Variants in ALKAL1 observed in about 807,000 individuals in gnomAD.
ALKAL1 encodes ALK and LTK ligand 1, also known as AUG-beta.
Under a neutral mutation model 13.5 loss-of-function variants are expected in ALKAL1, and 23 were observed. The observed-to-expected ratio is 1.70, with a 90% CI of 1.23 to 2.41. ALKAL1 has a LOEUF of 2.41. Ranked by LOEUF, ALKAL1 falls within the 30% of genes most tolerant of loss-of-function variation. The probability of loss-of-function intolerance (pLI) is 0.00; values close to 1 mark genes in which losing one functional copy is unlikely to be tolerated. For synonymous variants in ALKAL1, 85 were observed against 77.7 expected, an observed-to-expected ratio of 1.09 and a Z score of -0.49; for missense variants, 181 against 178.4, an observed-to-expected ratio of 1.01 and a Z score of -0.08.
At chr8:52,562,647 C>A (rs527487158) in intron 1 of ALKAL1, among the ~76,000 whole-genome samples, 133 of 152,278 alleles carry the variant, frequency 8.7e-4, no homozygotes, top group African/African-American at 3.0e-3. Context: ...AGGGAAGTTG[C>A]CTGGCCTACA....
rs577185547 is a variant in ALKAL1, at chr8:52,565,207, G to A, written c.50C>T (p.Ala17Val). ...GGCTCCGTGCGGGGACAAAGCCAGC[G>A]CCAGCAGGAAGAGTGCGGGCAAAGG... ...GAPLPALFLL[A>V]LALSPHGAHG... is the part of the protein sequence containing the mutation. The change falls in exon 1 of 5, where the codon GCG (alanine) becomes GTG (valine). Residue 17 changes from alanine (A) to valine (V), a missense_variant. Coordinates refer to ENST00000358543, the MANE Select transcript of ALKAL1 (RefSeq NM_207413.4). The A allele has an allele frequency of 1.8e-5, 24 of 1,341,208 alleles. No individual in the cohort carries two copies. The Admixed American group carries it at 5.1e-4, about 28-fold the overall frequency. The allele number at this position is 1,341,208 out of a possible 1,614,324, so 83.1% of individuals were successfully genotyped here.
At chr8:52,538,327 T>C in intron 4 of ALKAL1, 104 bp downstream of exon 4, 3 of 698,446 alleles carry the variant, frequency 4.3e-6, no homozygotes, top group South Asian at 1.8e-5. Flanking sequence ...CTGTACCCCA[T>C]AAATATGTAC....
chr8:52,549,239 T>C lies in ALKAL1; in HGVS notation c.191-6794A>G, dbSNP rs941528240. Among the ~76,000 whole-genome samples the C allele has an allele frequency of 2.8e-4, 43 of 152,124 alleles. 1 individual carries two copies. The highest frequency in any genetic ancestry group is 9.1e-4 in the African/African-American group (38 of 41,536). The stretch of plus-strand genomic sequence containing the variant: ...TAAAAACAAGACACTACTAATCTCA[T>C]TACTAATCAATACTAATAAATCTAA... On this transcript the variant is annotated intron_variant, in intron 1 of 4. Coordinates refer to ENST00000358543, the MANE Select transcript of ALKAL1 (RefSeq NM_207413.4).
chr8:52,565,009 G>A (rs1242436344), intron 1 of ALKAL1, 58 bp downstream of exon 1: 2 of 1,289,392 alleles, frequency 1.6e-6, no homozygotes, highest in African/African-American at 1.6e-5. Flanking sequence ...AGCTCCTAGG[G>A]GAATCCACGG....
chr8:52,557,862 G>A (rs1013329432), intron 1 of ALKAL1, among the ~76,000 whole-genome samples: 1 of 151,552 alleles, frequency 6.6e-6, no homozygotes, highest in South Asian at 2.1e-4. Flanking sequence ...GCATGTGCCT[G>A]TAGTCCCAGC....
Position 52,565,106 on chromosome 8 carries a change from C to A in ALKAL1, c.151G>T (p.Ala51Ser). The change falls in exon 1 of 5, where the codon GCC becomes TCC. Residue 51 changes from alanine (A) to serine (S), a missense_variant. By Grantham distance (99) the Ala-to-Ser change is moderately conservative. Coordinates refer to ENST00000358543, the MANE Select transcript of ALKAL1 (RefSeq NM_207413.4). ...CCGCTGGGAGTCCGGCCGGCCCCGG[C>A]CGCGGGGAGGAAAAGCAACGGCTTG... ...EPKPLLFLPA[A>S]GAGRTPSGSR... 7.1e-7 allele frequency: 1 copy of A among 1,414,988 alleles called. No homozygotes were observed. 87.7% of individuals were successfully genotyped at this position (1,414,988 alleles called of 1,614,324 possible). A position where few individuals can be genotyped will look rare whatever the true frequency, so the allele number is the denominator to read the frequency against.
chr8:52,538,846 G>T (rs1331289599), intron 3 of ALKAL1, among the ~76,000 whole-genome samples: 1 of 151,734 alleles, frequency 6.6e-6, no homozygotes, highest in Admixed American at 6.6e-5. Flanking sequence ...AATTTCTCTA[G>T]CCATTTAATA....
At chr8:52,536,761 C>T (rs975789562) in intron 4 of ALKAL1, among the ~76,000 whole-genome samples, 1 of 152,056 alleles carries the variant, frequency 6.6e-6, no homozygotes, top group Non-Finnish European at 1.5e-5. Flanking sequence ...TGCCTATCTG[C>T]GTAATGTTTC....
intron 1 of ALKAL1, among the ~76,000 whole-genome samples, chr8:52,562,518 TC>T (rs1847560907): frequency 6.6e-6 from 1 of 151,836 alleles, no homozygotes; most frequent in Admixed American, 6.6e-5. Flanking sequence ...CCTAACACAG[TC>T]CCCCACTCTC....
intron 1 of ALKAL1, among the ~76,000 whole-genome samples, chr8:52,564,658 C>T (rs1222384774): frequency 1.3e-5 from 2 of 152,134 alleles, no homozygotes; most frequent in Non-Finnish European, 2.9e-5. Flanking sequence ...ATTCCTGGCA[C>T]GGTCAGGTGT....
intron 1 of ALKAL1, among the ~76,000 whole-genome samples, chr8:52,548,997 A>G (rs1434632201): frequency 6.6e-6 from 1 of 152,162 alleles, no homozygotes; most frequent in Non-Finnish European, 1.5e-5. Context: ...AAAACAAAAT[A>G]ATTGAAAATG....
At chr8:52,541,011 T>C (rs1363147062) in intron 2 of ALKAL1, among the ~76,000 whole-genome samples, 1 of 152,122 alleles carries the variant, frequency 6.6e-6, no homozygotes, top group Non-Finnish European at 1.5e-5. Flanking sequence ...AAAAAGTAGC[T>C]GGGATGACTG....
intron 1 of ALKAL1, among the ~76,000 whole-genome samples, chr8:52,556,389 T>C (rs1424865958): frequency 2.6e-5 from 4 of 152,086 alleles, no homozygotes; most frequent in Non-Finnish European, 5.9e-5. Context: ...GGCTCACGCC[T>C]GTAATCCCAG....
intron 1 of ALKAL1, among the ~76,000 whole-genome samples, chr8:52,558,179 C>A (rs1035184708): frequency 3.4e-5 from 5 of 148,358 alleles, no homozygotes; most frequent in African/African-American, 1.2e-4. Context: ...TATACACACA[C>A]ATATACTTTT....
At chr8:52,549,295 T>G (rs1307693426) in intron 1 of ALKAL1, among the ~76,000 whole-genome samples, 1 of 152,014 alleles carries the variant, frequency 6.6e-6, no homozygotes, top group Non-Finnish European at 1.5e-5. Context: ...ATTTCAAAAA[T>G]AAGAACAATT....
At chr8:52,556,080 T>C (rs977899878) in intron 1 of ALKAL1, among the ~76,000 whole-genome samples, 11 of 152,206 alleles carry the variant, frequency 7.2e-5, no homozygotes, top group Non-Finnish European at 1.6e-4. Flanking sequence ...TATCTCTCCT[T>C]GTAATCTTCT....
chr8:52,554,149 G>A (rs187991617), intron 1 of ALKAL1, among the ~76,000 whole-genome samples: 5 of 152,250 alleles, frequency 3.3e-5, no homozygotes, highest in East Asian at 3.9e-4. Flanking sequence ...GCTTGAATCC[G>A]GGAGGTGGAG....
In ALKAL1 at chr8:52,534,285, T is replaced by A. The variant is rs188761070; in HGVS notation, c.*328A>T. On this transcript the variant is annotated 3_prime_UTR_variant, in exon 5 of 5. Transcript: ENST00000358543. Reference sequence around the variant, plus strand: ...CAGATATAATTTACACAATTAAATGTTTAATTAGAATGTTAACCATATAAA... The same window carrying A: ...CAGATATAATTTACACAATTAAATGATTAATTAGAATGTTAACCATATAAA... 1.5e-5 allele frequency: 3 copies of A among 206,286 alleles called. No individual in the cohort carries two copies. In the East Asian group the frequency reaches 3.0e-4, roughly 21 times the overall value. 12.8% of individuals were successfully genotyped at this position (206,286 alleles called of 1,614,324 possible).
chr8:52,541,675 A>C (rs757984792), intron 2 of ALKAL1, among the ~76,000 whole-genome samples: 9 of 152,164 alleles, frequency 5.9e-5, no homozygotes, highest in Non-Finnish European at 1.2e-4. Context: ...AGGCTGAGGC[A>C]GGAGAATAGC....
Sources: allele counts gnomAD v4.1 joint callset (sites outside exome capture counted in the v4.1 genomes callset), GRCh38; gene constraint gnomAD v4.1.1; transcripts MANE v1.5; gene names NCBI Gene and HGNC (gene_info 2026-07-23, HGNC 2026-07-21).